Variants in SYT13 observed in about 807,000 individuals in gnomAD.
SYT13 encodes the protein synaptotagmin-13.
In SYT13, 21 loss-of-function variants were observed where a neutral mutation model predicts 38.6. The observed-to-expected ratio is 0.54, with a 90% CI of 0.39 to 0.78. The LOEUF (loss-of-function observed/expected upper bound fraction) is 0.78. Ranked by LOEUF, SYT13 falls within the 30% of genes least tolerant of loss-of-function variation. SYT13 has a pLI of 0.00. For synonymous variants in SYT13, 241 were observed against 237.6 expected (o/e 1.01, Z -0.13); for missense variants, 495 against 548.7 (o/e 0.90, Z 0.98).
chr11:45,279,867 G>A (rs966030587), intron 1 of SYT13, among the ~76,000 whole-genome samples: 2 of 152,130 alleles, frequency 1.3e-5, no homozygotes, highest in Non-Finnish European at 2.9e-5. Context: ...AATTCATGGG[G>A]CGTCCTATCA....
rs762959155 is a variant in SYT13 at position 45,285,999 on chromosome 11, A to G, written c.183+26T>C. On this transcript the variant is annotated intron_variant, in intron 1 of 5. Coordinates refer to ENST00000020926, the MANE Select transcript of SYT13 (RefSeq NM_020826.3). ...CCCGGCAACCCCGCCTTGCCCGGGAAGGGCCTGCGCGCCGCCCCCGCTCAC... is the reference window on the plus strand; with the variant it reads ...CCCGGCAACCCCGCCTTGCCCGGGAGGGGCCTGCGCGCCGCCCCCGCTCAC... The G allele has an allele frequency of 2.2e-5, 35 of 1,595,280 alleles. No homozygotes were observed. The Middle Eastern group carries it at 4.9e-4, about 23-fold the overall frequency.
chr11:45,253,660 C>T (rs954999028), intron 3 of SYT13, among the ~76,000 whole-genome samples: 4 of 152,168 alleles, frequency 2.6e-5, no homozygotes, highest in African/African-American at 2.4e-5. Context: ...ACCCTCAGGC[C>T]GCTTGGCTCT....
intron 1 of SYT13, among the ~76,000 whole-genome samples, chr11:45,260,797 C>G (rs1286374993): frequency 6.6e-6 from 1 of 152,224 alleles, no homozygotes; most frequent in Non-Finnish European, 1.5e-5. Context: ...TCCGCCTCAC[C>G]TGTCCCTGGG....
At chr11:45,255,047 T>C (rs1854727337) in intron 2 of SYT13, among the ~76,000 whole-genome samples, 1 of 151,908 alleles carries the variant, frequency 6.6e-6, no homozygotes, top group Non-Finnish European at 1.5e-5. Flanking sequence ...GCCTGGGAGA[T>C]TGAGGCTGCA....
At chr11:45,246,631 A>T in intron 4 of SYT13, 119 bp from the exon 5 acceptor site, 1 of 1,416,162 alleles carries the variant, frequency 7.1e-7, no homozygotes, top group Non-Finnish European at 9.4e-7. Context: ...CCTTGAAACC[A>T]TTTACCCGTC....
At chr11:45,256,757 A>G (rs913388263) in intron 1 of SYT13, among the ~76,000 whole-genome samples, 2 of 152,118 alleles carry the variant, frequency 1.3e-5, no homozygotes, top group Non-Finnish European at 2.9e-5. Context: ...CACTGCCCCT[A>G]TGGCTCTCGA....
Position 45,286,197 on chromosome 11 carries a change from G to GACAGCACC in SYT13, c.3_10dup (p.Ser4TrpfsTer7). On this transcript the variant is annotated frameshift_variant, in exon 1 of 6. Coordinates refer to ENST00000020926, the MANE Select transcript of SYT13 (RefSeq NM_020826.3). LOFTEE classifies it high-confidence loss of function. ...GGCGCCCAGCGCGATCACAGGCACC[G>GACAGCACC]ACAGCACCATGGTGCCCGCTCCCGG... 6.4e-7 allele frequency: 1 copy of GACAGCACC among 1,565,568 alleles called. No individual in the cohort carries two copies. Among genetic ancestry groups the GACAGCACC allele is most frequent in the Non-Finnish European group, 8.6e-7 (1 of 1,159,840 alleles).
At chr11:45,262,154 C>T (rs1854825030) in intron 1 of SYT13, among the ~76,000 whole-genome samples, 1 of 152,090 alleles carries the variant, frequency 6.6e-6, no homozygotes, top group African/African-American at 2.4e-5. Context: ...AAGGAATGTT[C>T]TGACACAGGC....
chr11:45,282,087 G>T (rs974624182), intron 1 of SYT13, among the ~76,000 whole-genome samples: 1 of 152,158 alleles, frequency 6.6e-6, no homozygotes, highest in African/African-American at 2.4e-5. Context: ...TCTGGCCGCC[G>T]CTCACTAATA....
chr11:45,252,490 G>A lies in SYT13; in HGVS notation c.777C>T (p.Arg259=). 3.7e-6 allele frequency: 6 copies of A among 1,613,542 alleles called. No homozygotes were observed. Among genetic ancestry groups the A allele is most frequent in the Non-Finnish European group, 5.1e-6 (6 of 1,179,814 alleles). ...FSRHSVAGEL[R]LGLDGTSVPL... ...GCACAGATGTCCCGTCCAGGCCCAG[G>A]CGGAGCTCCCCGGCCACGCTGTGAC... Residue 259 remains arginine (R), a synonymous_variant, in exon 4 of 6, where the codon CGC becomes CGT. Transcript: ENST00000020926. This position sits in a 1 kb window ranked among gnomAD's most constrained non-coding sequence, Gnocchi z 4.3.
intron 5 of SYT13, 138 bp from the exon 6 acceptor site, chr11:45,244,494 C>A (rs1328808302): frequency 9.6e-7 from 1 of 1,043,334 alleles, no homozygotes; most frequent in Non-Finnish European, 1.4e-6. Context: ...GCCCCATATA[C>A]CCAAACATCT....
chr11:45,267,063 C>G (rs1298415001), intron 1 of SYT13, among the ~76,000 whole-genome samples: 1 of 152,228 alleles, frequency 6.6e-6, no homozygotes, highest in African/African-American at 2.4e-5. Context: ...TTCTTAAATC[C>G]TCATAATAAC....
chr11:45,258,230 C>T (rs1402167493), intron 1 of SYT13, among the ~76,000 whole-genome samples: 4 of 152,160 alleles, frequency 2.6e-5, no homozygotes, highest in African/African-American at 9.7e-5. Flanking sequence ...CACAGCAGTC[C>T]CCATCAAAAA....
chr11:45,247,063 G>C (rs901834771), intron 4 of SYT13, among the ~76,000 whole-genome samples: 3 of 152,198 alleles, frequency 2.0e-5, no homozygotes, highest in Non-Finnish European at 4.4e-5. Context: ...TATGATGGTA[G>C]ATCATGCCCA....
chr11:45,283,739 A>G (rs574263586), intron 1 of SYT13, among the ~76,000 whole-genome samples: 1 of 152,380 alleles, frequency 6.6e-6, no homozygotes, highest in East Asian at 1.9e-4. Flanking sequence ...TTGAGCTTGC[A>G]CATGGTTACA....
At position 45,241,461 on chromosome 11, in the gene SYT13, C is replaced by T. The variant is rs567006169; in HGVS notation, c.*2591G>A. On this transcript the variant is annotated 3_prime_UTR_variant, in exon 6 of 6. Coordinates refer to ENST00000020926, the MANE Select transcript of SYT13 (RefSeq NM_020826.3). ...GGAACCTGGCCCCCATCAGGGGCAA[C>T]CTTTAATTTGGATTCTGGAAGACTA... 6.6e-6 allele frequency: 1 copy of T among 151,914 alleles called. No homozygotes were observed. Among genetic ancestry groups the T allele is most frequent in the African/African-American group, 2.4e-5 (1 of 41,360 alleles). 9.4% of individuals were successfully genotyped at this position (151,914 alleles called of 1,614,324 possible). A position where few individuals can be genotyped will look rare whatever the true frequency, so the allele number is the denominator to read the frequency against.
intron 1 of SYT13, among the ~76,000 whole-genome samples, chr11:45,281,916 T>C (rs1205136047): frequency 6.6e-6 from 1 of 152,194 alleles, no homozygotes; most frequent in African/African-American, 2.4e-5. Flanking sequence ...GGTACAGGAC[T>C]GAGCCGTGGG....
chr11:45,268,294 G>T (rs1026708356), intron 1 of SYT13, among the ~76,000 whole-genome samples: 4 of 151,688 alleles, frequency 2.6e-5, no homozygotes, highest in Non-Finnish European at 4.4e-5. Context: ...TTTCCAGTGG[G>T]GTAGACAGCA....
At chr11:45,285,744 C>T (rs1173100169) in intron 1 of SYT13, 9 of 669,224 alleles carry the variant, frequency 1.3e-5, no homozygotes, top group Non-Finnish European at 1.9e-5. Flanking sequence ...TTTCCTGTCC[C>T]CTCCCTTTAG....
Sources: allele counts gnomAD v4.1 joint callset (sites outside exome capture counted in the v4.1 genomes callset), GRCh38; gene constraint gnomAD v4.1.1; non-coding constraint Gnocchi (gnomAD v3.1); transcripts MANE v1.5; gene names NCBI Gene and HGNC (gene_info 2026-07-23, HGNC 2026-07-21).